The following AGO3 variants were observed in gnomAD, a reference collection of about 807,000 sequenced individuals.
AGO3 encodes the protein argonaute RISC catalytic component 3, also known as protein argonaute-3.
AGO3 carries 16 observed loss-of-function variants against 105.5 expected under a neutral mutation model. That is an observed-to-expected ratio of 0.15 (90% CI 0.10 to 0.23). The LOEUF (loss-of-function observed/expected upper bound fraction) is 0.23. AGO3 is among the 10% of genes least tolerant of loss of function. AGO3 has a pLI of 1.00. For synonymous variants in AGO3, 340 were observed against 367.3 expected (o/e 0.93, Z 0.85); for missense variants, 534 against 1,088.0 (o/e 0.49, Z 7.16).
At chr1:35,945,388 G>A (rs551518532) in intron 1 of AGO3, among the ~76,000 whole-genome samples, 5 of 151,914 alleles carry the variant, frequency 3.3e-5, no homozygotes, top group African/African-American at 9.7e-5. Context: ...CTTTGCTATT[G>A]GTCTCACACT....
At chr1:36,040,743 T>C (rs187419870) in intron 16 of AGO3, among the ~76,000 whole-genome samples, 1 of 152,280 alleles carries the variant, frequency 6.6e-6, no homozygotes, top group East Asian at 1.9e-4. Context: ...TACATTCTCT[T>C]TTTAAAATAT....
intron 5 of AGO3, among the ~76,000 whole-genome samples, chr1:35,980,339 A>G (rs576638639): frequency 6.6e-6 from 1 of 152,206 alleles, no homozygotes; most frequent in East Asian, 1.9e-4. Flanking sequence ...AGCTTATTCT[A>G]CTTTTCATAT....
intron 1 of AGO3, among the ~76,000 whole-genome samples, chr1:35,933,134 G>A (rs1364690718): frequency 1.3e-5 from 2 of 152,180 alleles, no homozygotes; most frequent in African/African-American, 2.4e-5. Context: ...GAAGTGTGTA[G>A]TTAGATTATC....
chr1:36,025,692 C>T (rs1641470178), intron 11 of AGO3, among the ~76,000 whole-genome samples: 2 of 152,052 alleles, frequency 1.3e-5, no homozygotes, highest in African/African-American at 4.8e-5. Context: ...ACCAGTGAAG[C>T]GATTGTTGCT....
At chr1:36,003,141 A>ATTTT (rs201615643) in intron 5 of AGO3, among the ~76,000 whole-genome samples, 6 of 146,764 alleles carry the variant, frequency 4.1e-5, no homozygotes, top group African/African-American at 1.5e-4. Context: ...GACAGTGGGC[A>ATTTT]TTTTTTTTTT....
Position 36,027,126 on chromosome 1 carries a change from C to A in AGO3, c.1419C>A (p.Asp473Glu). Residue 473 changes from aspartate to glutamate, a missense_variant, in exon 12 of 19, where the codon GAC (aspartate) becomes GAA (glutamate). Physicochemically the swap from Asp to Glu is conservative, Grantham distance 45. Coordinates refer to ENST00000373191, the MANE Select transcript of AGO3 (RefSeq NM_024852.4). The surrounding 1 kb of genome is among the most constrained non-coding windows in gnomAD (Gnocchi z 4.0). ...TTTCTCCTTCCAGGGGTTTCACAGA[C>A]CAGCTGCGTAAGATTTCTAAGGATG... ...CREEILKGFTDQLRKISKDAG... is the reference protein window; with the variant it reads ...CREEILKGFTEQLRKISKDAG... The A allele has an allele frequency of 1.2e-6, 2 of 1,613,186 alleles. No individual in the cohort carries two copies. Among genetic ancestry groups the A allele is most frequent in the South Asian group, 2.2e-5 (2 of 91,020 alleles).
In AGO3 at chr1:36,060,933, A is replaced by G. The variant is rs1166829903; in HGVS notation, c.*5188A>G. 6.6e-6 allele frequency: 1 copy of G among 152,000 alleles called. No individual in the cohort carries two copies. The highest frequency in any genetic ancestry group is 1.5e-5 in the Non-Finnish European group (1 of 68,012). 9.4% of individuals were successfully genotyped at this position (152,000 alleles called of 1,614,324 possible). The stretch of plus-strand genomic sequence containing the variant: ...TGTAGCAGTATAACCCTAATTTAGA[A>G]CTCTTGTTTTCCTATTTCAGTCCTC... On this transcript the variant is annotated 3_prime_UTR_variant, in exon 19 of 19. Coordinates refer to ENST00000373191, the MANE Select transcript of AGO3 (RefSeq NM_024852.4).
chr1:35,959,267 T>C (rs1221078204), intron 2 of AGO3, among the ~76,000 whole-genome samples: 1 of 152,118 alleles, frequency 6.6e-6, no homozygotes, highest in Non-Finnish European at 1.5e-5. Context: ...ATGTAGGAAG[T>C]AGTGATTGAA....
At chr1:35,971,492 T>C (rs184945360) in intron 3 of AGO3, among the ~76,000 whole-genome samples, 57 of 151,988 alleles carry the variant, frequency 3.8e-4, no homozygotes, top group African/African-American at 1.3e-3. Flanking sequence ...TGTAGAACTT[T>C]AATATGCTTC....
intron 5 of AGO3, among the ~76,000 whole-genome samples, chr1:36,002,702 G>C (rs1640145743): frequency 6.6e-6 from 1 of 151,926 alleles, no homozygotes; most frequent in Admixed American, 6.6e-5. Context: ...GATAACTACT[G>C]TTAAAGCTTT....
chr1:35,995,209 A>AAAAAAAAAATAT (rs1237315557), intron 5 of AGO3, among the ~76,000 whole-genome samples: 1 of 114,790 alleles, frequency 8.7e-6, no homozygotes, highest in African/African-American at 3.8e-5. Flanking sequence ...TAAAAAAAAA[A>AAAAAAAAAATAT]ATATATATAT....
intron 4 of AGO3, among the ~76,000 whole-genome samples, chr1:35,972,848 A>T (rs1353471987): frequency 2.7e-5 from 4 of 146,702 alleles, no homozygotes; most frequent in Non-Finnish European, 4.5e-5. Flanking sequence ...CTGACTAATT[A>T]AAAAAAAATT....
At chr1:36,041,644 A>G in intron 16 of AGO3, among the ~76,000 whole-genome samples, 1 of 152,176 alleles carries the variant, frequency 6.6e-6, no homozygotes, top group East Asian at 1.9e-4. Flanking sequence ...GGAGCAGAGA[A>G]ATCTAATGAT....
intron 14 of AGO3, among the ~76,000 whole-genome samples, chr1:36,038,135 C>G (rs992537050): frequency 3.3e-5 from 5 of 151,948 alleles, no homozygotes; most frequent in African/African-American, 4.8e-5. Context: ...TTGCAAGAAC[C>G]TGGTGTGTTT....
At chr1:35,971,347 CAG>C (rs1384533476) in intron 3 of AGO3, among the ~76,000 whole-genome samples, 1 of 150,762 alleles carries the variant, frequency 6.6e-6, no homozygotes, top group Non-Finnish European at 1.5e-5. Flanking sequence ...TTAGTAGAGA[CAG>C]GGTTTCACCA....
intron 14 of AGO3, among the ~76,000 whole-genome samples, 156 bp from the exon 15 acceptor site, chr1:36,039,634 G>A (rs538247163): frequency 9.2e-5 from 14 of 151,870 alleles, no homozygotes; most frequent in East Asian, 3.9e-4. Context: ...GGCACATGCC[G>A]TCATACCCAA....
intron 14 of AGO3, among the ~76,000 whole-genome samples, chr1:36,038,446 G>A (rs566313873): frequency 2.0e-5 from 3 of 151,992 alleles, no homozygotes; most frequent in East Asian, 1.9e-4. Flanking sequence ...TAGTAGAGAC[G>A]GGGTTTCACT....
intron 17 of AGO3, among the ~76,000 whole-genome samples, chr1:36,047,036 G>A (rs922891156): frequency 6.6e-6 from 1 of 152,064 alleles, no homozygotes; most frequent in Non-Finnish European, 1.5e-5. Context: ...CCTGAGGTCG[G>A]GAGTTCAAGA....
intron 9 of AGO3, 132 bp downstream of exon 9, chr1:36,009,726 A>G: frequency 1.0e-6 from 1 of 964,578 alleles, no homozygotes; most frequent in Non-Finnish European, 1.5e-6. Flanking sequence ...CAATCATGGA[A>G]GTAATCTAAT....
Sources: allele counts gnomAD v4.1 joint callset (sites outside exome capture counted in the v4.1 genomes callset), GRCh38; gene constraint gnomAD v4.1.1; non-coding constraint Gnocchi (gnomAD v3.1); transcripts MANE v1.5; gene names NCBI Gene and HGNC (gene_info 2026-07-23, HGNC 2026-07-21).